The following ADGRB3 variants were observed in gnomAD, a reference collection of about 807,000 sequenced individuals.
ADGRB3 encodes the protein brain-specific angiogenesis inhibitor 3.
Under a neutral mutation model 193.4 loss-of-function variants are expected in ADGRB3, and 37 were observed. The ratio of observed to expected loss-of-function variants is 0.19; its 90% CI spans 0.15 to 0.25. ADGRB3 has a LOEUF of 0.25. ADGRB3 is among the 10% of genes least tolerant of loss of function. The probability of loss-of-function intolerance (pLI) is 1.00; values close to 1 mark genes in which losing one functional copy is unlikely to be tolerated. For synonymous variants in ADGRB3, 690 were observed against 644.2 expected, an observed-to-expected ratio of 1.07 and a Z score of -1.08; for missense variants, 1,637 against 1,852.9, an observed-to-expected ratio of 0.88 and a Z score of 2.14.
At chr6:68,866,194 G>A (rs1765294000) in intron 3 of ADGRB3, among the ~76,000 whole-genome samples, 1 of 152,206 alleles carries the variant, frequency 6.6e-6, no homozygotes, top group Admixed American at 6.5e-5. Flanking sequence ...ATCCCCACAT[G>A]TCTAGGGAGG....
At chr6:69,377,401 T>C (rs1285138041) in intron 30 of ADGRB3, among the ~76,000 whole-genome samples, 2 of 151,952 alleles carry the variant, frequency 1.3e-5, no homozygotes, top group Non-Finnish European at 2.9e-5. Context: ...CCAAATTGGA[T>C]CATAGTAAGT....
chr6:69,241,038 T>TG (rs1766373621), intron 20 of ADGRB3, among the ~76,000 whole-genome samples: 1 of 147,448 alleles, frequency 6.8e-6, no homozygotes, highest in Non-Finnish European at 1.5e-5. Flanking sequence ...CCCCTTAGAC[T>TG]AGGAAAACTG....
At chr6:68,897,758 GA>G (rs912049143) in intron 3 of ADGRB3, among the ~76,000 whole-genome samples, 103 of 1,670 alleles carry the variant, frequency 0.062, no homozygotes, top group Non-Finnish European at 0.091. Context: ...AGGGAGGGAG[GA>G]AAAGGGAGGG....
rs142863034 is a variant in ADGRB3 at position 69,215,344 on chromosome 6, T to C, written c.2481-17946T>C. Among the ~76,000 whole-genome samples, 689 of 152,248 alleles carry C rather than the reference T, an allele frequency of 4.5e-3. 7 individuals are homozygous for C. Among genetic ancestry groups the C allele is most frequent in the African/African-American group, 0.015 (640 of 41,548 alleles). On this transcript the variant is annotated intron_variant, in intron 17 of 31. Transcript: ENST00000370598. The stretch of plus-strand genomic sequence containing the variant: ...TATTTTTACATTTTATGTCTAAAAT[T>C]TTTTCAAAATAAAATGTTAAAAAGA...
At chr6:68,812,655 A>G (rs1404869951) in intron 3 of ADGRB3, among the ~76,000 whole-genome samples, 3 of 152,008 alleles carry the variant, frequency 2.0e-5, no homozygotes, top group African/African-American at 7.2e-5. Context: ...ATGTACAAAG[A>G]TTGCTACTGT....
At chr6:69,179,703 T>C (rs894949793) in intron 17 of ADGRB3, among the ~76,000 whole-genome samples, 1 of 151,984 alleles carries the variant, frequency 6.6e-6, no homozygotes, top group African/African-American at 2.4e-5. Flanking sequence ...TTCCCTGGGG[T>C]GTGTGGCTGT....
intron 17 of ADGRB3, among the ~76,000 whole-genome samples, chr6:69,138,254 C>T (rs1432022586): frequency 6.6e-6 from 1 of 152,200 alleles, no homozygotes; most frequent in Non-Finnish European, 1.5e-5. Context: ...ACTGTTCCAG[C>T]ATCAGAAAAA....
chr6:69,105,074 T>C (rs1773171598), intron 17 of ADGRB3, among the ~76,000 whole-genome samples: 1 of 152,212 alleles, frequency 6.6e-6, no homozygotes, highest in Non-Finnish European at 1.5e-5. Context: ...GTAGGCAATA[T>C]AGAATGGATG....
At chr6:69,040,369 CTT>C (rs1374531366) in intron 13 of ADGRB3, among the ~76,000 whole-genome samples, 1,311 of 57,368 alleles carry the variant, frequency 0.023, 11 homozygotes, top group South Asian at 0.047. Flanking sequence ...TTCTTTCTTT[CTT>C]TCTTTCCTTC....
chr6:69,307,662 T>C (rs889917992), intron 20 of ADGRB3, among the ~76,000 whole-genome samples: 2 of 151,566 alleles, frequency 1.3e-5, no homozygotes, highest in African/African-American at 4.9e-5. Context: ...AAATTTGTAC[T>C]ACAAAAGGTA....
chr6:68,970,466 G>T (rs368855211), intron 8 of ADGRB3, among the ~76,000 whole-genome samples: 1 of 151,828 alleles, frequency 6.6e-6, no homozygotes, highest in Non-Finnish European at 1.5e-5. Context: ...ACAGGTGCAC[G>T]CCACCACACC....
At chr6:69,344,724 C>T (rs1769048030) in intron 26 of ADGRB3, among the ~76,000 whole-genome samples, 1 of 152,118 alleles carries the variant, frequency 6.6e-6, no homozygotes, top group Admixed American at 6.6e-5. Context: ...CCTTCCTTTA[C>T]TGCAGGATGG....
At chr6:69,173,697 A>G (rs1158928686) in intron 17 of ADGRB3, among the ~76,000 whole-genome samples, 4 of 151,524 alleles carry the variant, frequency 2.6e-5, no homozygotes, top group African/African-American at 9.7e-5. Context: ...CTTTGTCTTT[A>G]TCCAGCAGAA....
chr6:69,188,421 G>C (rs1349379540), intron 17 of ADGRB3, among the ~76,000 whole-genome samples: 8 of 151,962 alleles, frequency 5.3e-5, no homozygotes, highest in African/African-American at 1.9e-4. Flanking sequence ...CGATTCTCTT[G>C]CCTCAGCCTC....
At chr6:69,328,333 T>C (rs1327642896) in intron 22 of ADGRB3, among the ~76,000 whole-genome samples, 1 of 152,136 alleles carries the variant, frequency 6.6e-6, no homozygotes, top group Non-Finnish European at 1.5e-5. Flanking sequence ...CTAAAAATTA[T>C]AGATCAAGGG....
At chr6:69,317,892 A>G (rs1290453320) in intron 20 of ADGRB3, among the ~76,000 whole-genome samples, 3 of 151,532 alleles carry the variant, frequency 2.0e-5, no homozygotes, top group East Asian at 1.9e-4. Flanking sequence ...GCTAATATAG[A>G]AAACTTAGAT....
intron 3 of ADGRB3, among the ~76,000 whole-genome samples, chr6:68,753,395 G>A (rs886086564): frequency 3.3e-5 from 5 of 152,146 alleles, no homozygotes; most frequent in Admixed American, 1.3e-4. Flanking sequence ...ATTAAGCCGC[G>A]AAGTAGTAGG....
intron 3 of ADGRB3, among the ~76,000 whole-genome samples, chr6:68,721,627 AATATAT>A (rs71852236): frequency 0.17 from 23,256 of 140,102 alleles, 2,540 homozygotes; most frequent in East Asian, 0.6. Flanking sequence ...AAGTATAATA[AATATAT>A]ATATATATAT....
At chr6:69,296,647 T>G (rs1388439449) in intron 20 of ADGRB3, among the ~76,000 whole-genome samples, 1 of 152,142 alleles carries the variant, frequency 6.6e-6, no homozygotes, top group Non-Finnish European at 1.5e-5. Flanking sequence ...AGATGGCCAT[T>G]CTCTTAGTAA....
Sources: allele counts gnomAD v4.1 joint callset (sites outside exome capture counted in the v4.1 genomes callset), GRCh38; gene constraint gnomAD v4.1.1; transcripts MANE v1.5; gene names NCBI Gene and HGNC (gene_info 2026-07-23, HGNC 2026-07-21).